PLXNA4: variants seen among roughly 807,000 people sequenced by gnomAD.
PLXNA4 encodes plexin A4, also known as plexin-A4.
A neutral mutation model predicts 191.8 loss-of-function variants in PLXNA4; 44 were observed. The ratio of observed to expected loss-of-function variants is 0.23; its 90% CI spans 0.18 to 0.29. PLXNA4 has a LOEUF of 0.29. Among genes scored for constraint, PLXNA4 ranks in the 10% least tolerant of loss-of-function variants. The pLI is 1.00. For synonymous variants in PLXNA4, 1,082 were observed against 1,009.5 expected (o/e 1.07, Z -1.36); for missense variants, 1,800 against 2,488.8 (o/e 0.72, Z 5.89).
chr7:132,147,864 AC>A (rs1203098998), intron 27 of PLXNA4, 35 bp downstream of exon 27: 46 of 1,612,568 alleles, frequency 2.9e-5, no homozygotes, highest in Non-Finnish European at 3.7e-5. Flanking sequence ...TGCTCAGGAC[AC>A]CCAGGCCTCC....
chr7:132,242,742 T>G (rs1015777710), intron 4 of PLXNA4, among the ~76,000 whole-genome samples: 3 of 152,324 alleles, frequency 2.0e-5, no homozygotes, highest in Admixed American at 2.0e-4. Flanking sequence ...TCTTTTCTTT[T>G]ATTACTGCTC....
chr7:132,571,581 G>C lies in PLXNA4; in HGVS notation c.-87+4841C>G, dbSNP rs549799116. Among the ~76,000 whole-genome samples, 101 of 152,242 alleles carry C rather than the reference G, an allele frequency of 6.6e-4. 1 individual carries two copies. The highest frequency in any genetic ancestry group is 2.3e-3 in the African/African-American group (97 of 41,552). On this transcript the variant is annotated intron_variant, in intron 1 of 31. Coordinates refer to ENST00000321063, the MANE Select transcript of PLXNA4 (RefSeq NM_020911.2). ...TGTAATGGTAAGAATCTTTGCCCAAGAGTGAAAAAACCATCCATCCCTTAG... is the reference window on the plus strand; with the variant it reads ...TGTAATGGTAAGAATCTTTGCCCAACAGTGAAAAAACCATCCATCCCTTAG...
At chr7:132,498,365 A>G (rs1798111730) in intron 2 of PLXNA4, among the ~76,000 whole-genome samples, 1 of 152,166 alleles carries the variant, frequency 6.6e-6, no homozygotes, top group African/African-American at 2.4e-5. Flanking sequence ...AGGCCTCACA[A>G]TCATGGCAGA....
chr7:132,284,489 C>T (rs1310888349), intron 4 of PLXNA4, among the ~76,000 whole-genome samples: 1 of 152,164 alleles, frequency 6.6e-6, no homozygotes, highest in Non-Finnish European at 1.5e-5. Flanking sequence ...GAACTTTCTC[C>T]AGAGGGCCTT....
At chr7:132,575,052 ACCT>A (rs1585376886) in intron 1 of PLXNA4, among the ~76,000 whole-genome samples, 1 of 152,204 alleles carries the variant, frequency 6.6e-6, no homozygotes, top group East Asian at 1.9e-4. Flanking sequence ...CTAGAAAGCT[ACCT>A]CAAAGTGACA....
At position 132,508,864 on chromosome 7, in the gene PLXNA4, T is replaced by C. The variant is rs73158864; in HGVS notation, c.-86-85A>G. On this transcript the variant is annotated intron_variant, in intron 1 of 31. Coordinates refer to ENST00000321063, the MANE Select transcript of PLXNA4 (RefSeq NM_020911.2). The surrounding 1 kb of genome is among the most constrained non-coding windows in gnomAD (Gnocchi z 4.4). ...AGCTTGTCTGCCTGGACTTTCAAAATGTTCTGCACACACTGAGCAGAACTG... is the reference window on the plus strand; with the variant it reads ...AGCTTGTCTGCCTGGACTTTCAAAACGTTCTGCACACACTGAGCAGAACTG... The C allele has an allele frequency of 0.13, 167,107 of 1,305,678 alleles. 11,996 individuals carry two copies. Among genetic ancestry groups the C allele is most frequent in the Non-Finnish European group, 0.14 (139,372 of 984,512 alleles). 80.9% of individuals were successfully genotyped at this position (1,305,678 alleles called of 1,614,324 possible).
At chr7:132,266,974 T>C (rs1799881647) in intron 4 of PLXNA4, among the ~76,000 whole-genome samples, 1 of 152,184 alleles carries the variant, frequency 6.6e-6, no homozygotes. Context: ...GTTTCTCCTT[T>C]TCTAATGCCA....
chr7:132,612,229 A>G (rs1420167889), intron 2 of PLXNA4, among the ~76,000 whole-genome samples: 2 of 152,224 alleles, frequency 1.3e-5, no homozygotes, highest in East Asian at 1.9e-4. Flanking sequence ...ACACTGGGAA[A>G]TAGCACCTGT....
intron 31 of PLXNA4, among the ~76,000 whole-genome samples, chr7:132,131,394 G>T (rs1794921757): frequency 6.6e-6 from 1 of 152,128 alleles, no homozygotes; most frequent in African/African-American, 2.4e-5. Flanking sequence ...CTCCAGGGGA[G>T]AGGATGTCAG....
At chr7:132,538,987 T>A (rs1009233329) in intron 1 of PLXNA4, among the ~76,000 whole-genome samples, 1 of 152,214 alleles carries the variant, frequency 6.6e-6, no homozygotes, top group African/African-American at 2.4e-5. Flanking sequence ...AGGTTTCAGA[T>A]CCTGTAATAA....
At chr7:132,160,935 A>C (rs978287356) in intron 24 of PLXNA4, among the ~76,000 whole-genome samples, 3 of 151,830 alleles carry the variant, frequency 2.0e-5, no homozygotes, top group African/African-American at 7.3e-5. Flanking sequence ...AGAAAAAAAA[A>C]CCCCTGAAAT....
intron 12 of PLXNA4, among the ~76,000 whole-genome samples, chr7:132,201,867 G>A (rs952228294): frequency 6.6e-6 from 1 of 152,198 alleles, no homozygotes; most frequent in African/African-American, 2.4e-5. Flanking sequence ...ATGATGATGA[G>A]TGAGGAGGCT....
At chr7:132,431,663 G>A (rs552269074) in intron 3 of PLXNA4, among the ~76,000 whole-genome samples, 96 of 152,166 alleles carry the variant, frequency 6.3e-4, no homozygotes, top group Non-Finnish European at 9.0e-4. Context: ...TCATGCTCAC[G>A]ATTTAGGCCT....
At chr7:132,573,571 G>A (rs1802075040) in intron 1 of PLXNA4, among the ~76,000 whole-genome samples, 1 of 152,174 alleles carries the variant, frequency 6.6e-6, no homozygotes, top group Non-Finnish European at 1.5e-5. Flanking sequence ...GGATCCCGAG[G>A]CCAAGTGTAT....
At chr7:132,282,697 A>T (rs565564798) in intron 4 of PLXNA4, among the ~76,000 whole-genome samples, 13 of 139,410 alleles carry the variant, frequency 9.3e-5, no homozygotes, top group Middle Eastern at 4.1e-3. Context: ...CCCTTTCTTC[A>T]TCGGAGAGTG....
chr7:132,164,874 C>A (rs1796075102), intron 23 of PLXNA4, among the ~76,000 whole-genome samples: 1 of 152,218 alleles, frequency 6.6e-6, no homozygotes, highest in African/African-American at 2.4e-5. Context: ...GCTTTAGGGA[C>A]CATGCAGGGC....
At chr7:132,540,569 C>CTGTTTTTTT (rs1800030295) in intron 1 of PLXNA4, among the ~76,000 whole-genome samples, 1 of 61,008 alleles carries the variant, frequency 1.6e-5, no homozygotes, top group Non-Finnish European at 2.7e-5. Flanking sequence ...GTGGACCGTT[C>CTGTTTTTTT]TTTTTTTTTT....
At chr7:132,183,035 G>A (rs1796761653) in intron 16 of PLXNA4, among the ~76,000 whole-genome samples, 1 of 152,220 alleles carries the variant, frequency 6.6e-6, no homozygotes, top group South Asian at 2.1e-4. Flanking sequence ...AATCAAAGGA[G>A]CATCTTCGAG....
chr7:132,415,009 C>T (rs73438706), intron 3 of PLXNA4, among the ~76,000 whole-genome samples: 2,722 of 152,332 alleles, frequency 0.018, 70 homozygotes, highest in African/African-American at 0.063. Flanking sequence ...TTTCCCCGAC[C>T]TCTACCAGGC....
Sources: allele counts gnomAD v4.1 joint callset (sites outside exome capture counted in the v4.1 genomes callset), GRCh38; gene constraint gnomAD v4.1.1; non-coding constraint Gnocchi (gnomAD v3.1); transcripts MANE v1.5; gene names NCBI Gene and HGNC (gene_info 2026-07-23, HGNC 2026-07-21).